Variants in CD59 observed in about 807,000 individuals in gnomAD.
CD59 encodes CD59 molecule (CD59 blood group).
CD59 carries 3 observed loss-of-function variants against 7.0 expected under a neutral mutation model. That is an observed-to-expected ratio of 0.43 (90% CI 0.19 to 1.10). CD59 has a LOEUF of 1.10. CD59 is among the 50% of genes least tolerant of loss of function. CD59 has a pLI of 0.29. For missense variants in CD59, 143 were observed against 151.0 expected (o/e 0.95, Z 0.28); for synonymous variants, 60 against 62.0 (o/e 0.97, Z 0.15).
Position 33,703,811 on chromosome 11 carries a change from C to A in CD59, c.*6315G>T, listed in dbSNP as rs376030631. ...GAGGAGAGGGGCCAGAAGGGTCACA[C>A]TGAAGAAATGTGACATGAGGGTGGA... is the stretch of plus-strand genomic sequence containing the variant. On this transcript the variant is annotated 3_prime_UTR_variant, in exon 4 of 4. Transcript: ENST00000642928. The A allele has an allele frequency of 3.3e-5, 5 of 152,386 alleles. No homozygotes were observed. The highest frequency in any genetic ancestry group is 1.2e-4 in the African/African-American group (5 of 41,550). 9.4% of individuals were successfully genotyped at this position (152,386 alleles called of 1,614,324 possible).
At chr11:33,723,746 G>T (rs1854167095) in intron 1 of CD59, among the ~76,000 whole-genome samples, 1 of 152,136 alleles carries the variant, frequency 6.6e-6, no homozygotes, top group African/African-American at 2.4e-5. Context: ...ATTTTCAGGG[G>T]TTTCTGAGTA....
At chr11:33,713,390 C>G (rs1011854550) in intron 3 of CD59, among the ~76,000 whole-genome samples, 6 of 152,176 alleles carry the variant, frequency 3.9e-5, no homozygotes, top group African/African-American at 1.4e-4. Flanking sequence ...CAATTCCATG[C>G]AGAGCTTGGA....
At position 33,736,018 on chromosome 11, in the gene CD59, T is replaced by TC. The variant is rs1854562402; in HGVS notation, c.-19+363dup. ...GCCGTGACCACGGAGGGCTGGCCTT[T>TC]CCCCCGGCGCAGTTTCTCTGGACCG... is the stretch of plus-strand genomic sequence containing the variant. On this transcript the variant is annotated intron_variant, in intron 1 of 3. Transcript: ENST00000642928. This position sits in a 1 kb window ranked among gnomAD's most constrained non-coding sequence, Gnocchi z 4.4. Among the ~76,000 whole-genome samples, 1 of 152,052 alleles carries TC rather than the reference T, an allele frequency of 6.6e-6. No individual in the cohort carries two copies. The highest frequency in any genetic ancestry group is 1.5e-5 in the Non-Finnish European group (1 of 67,994).
rs1364219533 is a variant in CD59, at chr11:33,707,266, A to G, written c.*2860T>C. 2 of 152,246 alleles carry G rather than the reference A, an allele frequency of 1.3e-5. No individual in the cohort carries two copies. Among genetic ancestry groups the G allele is most frequent in the African/African-American group, 4.8e-5 (2 of 41,458 alleles). The allele number at this position is 152,246 out of a possible 1,614,324, so 9.4% of individuals were successfully genotyped here. A position where few individuals can be genotyped will look rare whatever the true frequency, so the allele number is the denominator to read the frequency against. ...GAACACTGCTAAAGAACTTACCAAGAGAACTCAGATGTATAAAAGTGGTTA... is the reference window on the plus strand; with the variant it reads ...GAACACTGCTAAAGAACTTACCAAGGGAACTCAGATGTATAAAAGTGGTTA... On this transcript the variant is annotated 3_prime_UTR_variant, in exon 4 of 4. Transcript: ENST00000642928.
At chr11:33,710,723 CTT>C (rs796424873) in intron 3 of CD59, among the ~76,000 whole-genome samples, 1 of 143,182 alleles carries the variant, frequency 7.0e-6, no homozygotes. Flanking sequence ...CTTTTCTTTT[CTT>C]TTTTTTTTTT....
chr11:33,730,497 A>C (rs1041193220), intron 1 of CD59, among the ~76,000 whole-genome samples: 3 of 152,222 alleles, frequency 2.0e-5, no homozygotes, highest in African/African-American at 4.8e-5. Flanking sequence ...ACAAATGTAA[A>C]GATGCAGTAT....
intron 1 of CD59, among the ~76,000 whole-genome samples, chr11:33,729,530 G>T (rs1353692109): frequency 1.3e-5 from 2 of 152,020 alleles, no homozygotes; most frequent in East Asian, 1.9e-4. Flanking sequence ...GTTGGGGGGT[G>T]GGGGAGGGAT....
chr11:33,725,737 C>G (rs1156541941), intron 1 of CD59, among the ~76,000 whole-genome samples: 4 of 152,062 alleles, frequency 2.6e-5, no homozygotes, highest in Admixed American at 1.3e-4. Flanking sequence ...ATACACACAT[C>G]CAACAATAAG....
At chr11:33,729,281 A>T (rs1854345070) in intron 1 of CD59, among the ~76,000 whole-genome samples, 1 of 152,252 alleles carries the variant, frequency 6.6e-6, no homozygotes, top group Non-Finnish European at 1.5e-5. Flanking sequence ...GATAGACTGG[A>T]TAAAGAAAAT....
In CD59 at chr11:33,709,683, C is replaced by T. The variant is rs1029741879; in HGVS notation, c.*443G>A. 7.7e-6 allele frequency: 2 copies of T among 259,602 alleles called. No individual in the cohort carries two copies. Among genetic ancestry groups the T allele is most frequent in the Non-Finnish European group, 1.5e-5 (2 of 132,690 alleles). The allele number at this position is 259,602 out of a possible 1,614,324, so 16.1% of individuals were successfully genotyped here. ...CATTTGGCATGCCTCCATGGCAACA[C>T]GGGATCCCTGAAGTTTATGAAAGCG... On this transcript the variant is annotated 3_prime_UTR_variant, in exon 4 of 4. Coordinates refer to ENST00000642928, the MANE Select transcript of CD59 (RefSeq NM_000611.6).
chr11:33,716,005 A>G (rs913051185), intron 3 of CD59, among the ~76,000 whole-genome samples: 8 of 152,202 alleles, frequency 5.3e-5, no homozygotes, highest in African/African-American at 1.9e-4. Context: ...TGATCAAGCT[A>G]AAGAGCCAAG....
chr11:33,735,229 A>G (rs1854530669), intron 1 of CD59, among the ~76,000 whole-genome samples: 1 of 152,220 alleles, frequency 6.6e-6, no homozygotes, highest in African/African-American at 2.4e-5. Context: ...CAGGGATCGC[A>G]GGGTACCTGA....
At chr11:33,715,556 C>T (rs539713908) in intron 3 of CD59, among the ~76,000 whole-genome samples, 36 of 152,198 alleles carry the variant, frequency 2.4e-4, no homozygotes, top group Middle Eastern at 3.4e-3. Context: ...GCCAAGATTG[C>T]ACCACTGCCC....
At chr11:33,711,061 G>T (rs1040456956) in intron 3 of CD59, among the ~76,000 whole-genome samples, 5 of 146,448 alleles carry the variant, frequency 3.4e-5, no homozygotes, top group Non-Finnish European at 4.5e-5. Flanking sequence ...GTGGGGGGGG[G>T]GCAGAAAAAT....
chr11:33,720,747 A>AC (rs1012551060), intron 2 of CD59, among the ~76,000 whole-genome samples: 1 of 151,994 alleles, frequency 6.6e-6, no homozygotes, highest in African/African-American at 2.4e-5. Flanking sequence ...AAACAAACAA[A>AC]AAAAAACAAG....
rs1362663156 is a variant in CD59 at position 33,709,400 on chromosome 11, T to A, written c.*726A>T. On this transcript the variant is annotated 3_prime_UTR_variant, in exon 4 of 4. Transcript: ENST00000642928. ...GTAACTGTGTGTGGCAAAGCCAAGA[T>A]ATCCTACCATTCCAATAAAAAAAAG... 6.4e-6 allele frequency: 1 copy of A among 156,076 alleles called. No homozygotes were observed. Among genetic ancestry groups the A allele is most frequent in the Non-Finnish European group, 1.4e-5 (1 of 70,412 alleles). 9.7% of individuals were successfully genotyped at this position (156,076 alleles called of 1,614,324 possible).
At chr11:33,710,511 AC>A (rs1853498050) in intron 3 of CD59, among the ~76,000 whole-genome samples, 168 bp from the exon 4 acceptor site, 1 of 152,166 alleles carries the variant, frequency 6.6e-6, no homozygotes, top group South Asian at 2.1e-4. Context: ...ATAATGATAC[AC>A]CTCTAAATAG....
In CD59 at chr11:33,717,418, C is replaced by A; in HGVS notation, c.121G>T (p.Ala41Ser). The A allele has an allele frequency of 6.2e-7, 1 of 1,613,754 alleles. No homozygotes were observed. The highest frequency in any genetic ancestry group is 8.5e-7 in the Non-Finnish European group (1 of 1,179,728). ...TCAAAATCAGATGAACAATTGACGGCTGTTTTGCAGTCAGCAGTTGGGTTA... is the reference window on the plus strand; with the variant it reads ...TCAAAATCAGATGAACAATTGACGGATGTTTTGCAGTCAGCAGTTGGGTTA... ...CPNPTADCKT[A>S]VNCSSDFDAC... is the part of the protein sequence containing the mutation. Residue 41 changes from alanine (A) to serine (S), a missense_variant, in exon 3 of 4, where the codon GCC becomes TCC. Ala to Ser is a moderately conservative substitution (Grantham distance 99). Coordinates refer to ENST00000642928, the MANE Select transcript of CD59 (RefSeq NM_000611.6).
In CD59 at chr11:33,709,958, T is replaced by G. The variant is rs1385327279; in HGVS notation, c.*168A>C. 1.3e-5 allele frequency: 9 copies of G among 677,270 alleles called. No homozygotes were observed. Among genetic ancestry groups the G allele is most frequent in the Non-Finnish European group, 2.4e-5 (9 of 377,688 alleles). The allele number at this position is 677,270 out of a possible 1,614,324, so 42.0% of individuals were successfully genotyped here. A position where few individuals can be genotyped will look rare whatever the true frequency, so the allele number is the denominator to read the frequency against. On this transcript the variant is annotated 3_prime_UTR_variant, in exon 4 of 4. Coordinates refer to ENST00000642928, the MANE Select transcript of CD59 (RefSeq NM_000611.6). ...GGGGCTTCCCTGCAAACAGGACTGG[T>G]CTTCAAAGTCTCCCAGAGCCCCTCT...
Sources: allele counts gnomAD v4.1 joint callset (sites outside exome capture counted in the v4.1 genomes callset), GRCh38; gene constraint gnomAD v4.1.1; non-coding constraint Gnocchi (gnomAD v3.1); transcripts MANE v1.5; gene names NCBI Gene and HGNC (gene_info 2026-07-23, HGNC 2026-07-21).